The following ANKRD12 variants were observed in gnomAD, a reference collection of about 807,000 sequenced individuals.
The protein encoded by ANKRD12 is ankyrin repeat domain 12.
In ANKRD12, 85 loss-of-function variants were observed where a neutral mutation model predicts 183.4. The ratio of observed to expected loss-of-function variants is 0.46; its 90% CI spans 0.39 to 0.56. The LOEUF (loss-of-function observed/expected upper bound fraction) is 0.56. ANKRD12 is among the 20% of genes least tolerant of loss of function. ANKRD12 has a pLI of 0.00. For missense variants in ANKRD12, 2,405 were observed against 2,357.1 expected (o/e 1.02, Z -0.42); for synonymous variants, 914 against 800.2 (o/e 1.14, Z -2.40).
Position 9,257,694 on chromosome 18 carries a change from A to G in ANKRD12, c.4427A>G (p.Asn1476Ser). Residue 1476 changes from asparagine to serine, a missense_variant, in exon 9 of 13, where the codon AAC (asparagine) becomes AGC (serine). Physicochemically the swap from Asn to Ser is conservative, Grantham distance 46. Around this residue, in one of 7 missense-constraint regions of ANKRD12, gnomAD observed 1,983 missense variants for 1,725.9 expected, o/e 1.15. Coordinates refer to ENST00000262126, the MANE Select transcript of ANKRD12 (RefSeq NM_015208.5). The stretch of plus-strand genomic sequence containing the variant: ...CTGCGCCAGACTGAACTGCCAGGAA[A>G]CTCTTGTGCTCAGGATCCGGCATCC... ...LSLRQTELPG[N>S]SCAQDPASFM... 6.2e-7 allele frequency: 1 copy of G among 1,613,860 alleles called. No individual in the cohort carries two copies. Among genetic ancestry groups the G allele is most frequent in the Non-Finnish European group, 8.5e-7 (1 of 1,179,920 alleles).
intron 8 of ANKRD12, among the ~76,000 whole-genome samples, chr18:9,235,184 T>C (rs567608451): frequency 2.6e-5 from 4 of 152,288 alleles, no homozygotes; most frequent in African/African-American, 9.6e-5. Flanking sequence ...AAGAGGATGA[T>C]AGAGAGCCAG....
In ANKRD12 at chr18:9,284,650, GTACC is replaced by G. The variant is rs1354367802; in HGVS notation, c.*3527_*3530del. ...AAGTGACTTCTTGGGAGCCGTCTTT[GTACC>G]TAAAATGGAGTTTTTTTTTAAGCCT... is the stretch of plus-strand genomic sequence containing the variant. On this transcript the variant is annotated 3_prime_UTR_variant, in exon 13 of 13. Transcript: ENST00000262126. 6.6e-6 allele frequency: 1 copy of G among 152,024 alleles called. No homozygotes were observed. 9.4% of individuals were successfully genotyped at this position (152,024 alleles called of 1,614,324 possible).
intron 6 of ANKRD12, 63 bp from the exon 7 acceptor site, chr18:9,216,695 A>C (rs534037534): frequency 6.5e-7 from 1 of 1,546,728 alleles, no homozygotes; most frequent in East Asian, 2.3e-5. Flanking sequence ...TGGTATGTAT[A>C]TGAAAAGCAT....
intron 1 of ANKRD12, among the ~76,000 whole-genome samples, chr18:9,146,833 A>G (rs2078508771): frequency 6.6e-6 from 1 of 152,206 alleles, no homozygotes; most frequent in African/African-American, 2.4e-5. Flanking sequence ...AATCTAGTGT[A>G]TATTATAAGA....
intron 8 of ANKRD12, among the ~76,000 whole-genome samples, chr18:9,226,170 TC>T (rs1370489833): frequency 6.6e-6 from 1 of 152,134 alleles, no homozygotes; most frequent in Non-Finnish European, 1.5e-5. Flanking sequence ...ACGCCTGTAA[TC>T]CCAGGACTCT....
intron 1 of ANKRD12, among the ~76,000 whole-genome samples, chr18:9,141,393 C>T (rs2078310499): frequency 6.6e-6 from 1 of 152,110 alleles, no homozygotes; most frequent in Admixed American, 6.6e-5. Context: ...AAAAAGCTAA[C>T]CAAACTCATT....
chr18:9,195,515 A>G (rs772988088), intron 2 of ANKRD12, 36 bp from the exon 3 acceptor site: 7 of 1,506,234 alleles, frequency 4.6e-6, no homozygotes, highest in African/African-American at 4.2e-5. Context: ...CTTAGCTAAT[A>G]TTGATATAAC....
chr18:9,262,786 CCTTTTTTTTTTTTTTTT>C (rs1162801401), intron 9 of ANKRD12, among the ~76,000 whole-genome samples: 1 of 87,932 alleles, frequency 1.1e-5, no homozygotes, highest in Non-Finnish European at 2.3e-5. Flanking sequence ...CCAAGATGTC[CCTTTTTTTTTTTTTTTT>C]TTTTTTTTTT....
chr18:9,221,490 G>A lies in ANKRD12; in HGVS notation c.796-362G>A, dbSNP rs73394139. 4.0e-3 allele frequency among the ~76,000 whole-genome samples: 607 copies of A among 152,290 alleles called. 2 individuals are homozygous for A. Among genetic ancestry groups the A allele is most frequent in the African/African-American group, 0.014 (564 of 41,566 alleles). The stretch of plus-strand genomic sequence containing the variant: ...TAAGACACACATTTCAAGAGGCCAG[G>A]GAACTTGTTATTCTTGTTCATGGGT... On this transcript the variant is annotated intron_variant, in intron 7 of 12. Coordinates refer to ENST00000262126, the MANE Select transcript of ANKRD12 (RefSeq NM_015208.5).
At chr18:9,175,523 CTT>C (rs33944736) in intron 1 of ANKRD12, among the ~76,000 whole-genome samples, 24 of 53,308 alleles carry the variant, frequency 4.5e-4, no homozygotes, top group South Asian at 1.0e-3. Context: ...AAAGGCTCCT[CTT>C]TTTTTTTTTT....
chr18:9,179,745 T>A (rs759474850), intron 1 of ANKRD12, among the ~76,000 whole-genome samples: 2 of 152,214 alleles, frequency 1.3e-5, no homozygotes, highest in Non-Finnish European at 2.9e-5. Flanking sequence ...CTTGAACTTT[T>A]AGGCTCAAGC....
intron 1 of ANKRD12, among the ~76,000 whole-genome samples, chr18:9,142,736 T>C (rs60514648): frequency 0.011 from 1,639 of 152,060 alleles, 35 homozygotes; most frequent in African/African-American, 0.038. Context: ...TACAAAAAAT[T>C]AGCTGGGCGT....
intron 1 of ANKRD12, among the ~76,000 whole-genome samples, chr18:9,175,805 G>C (rs934672440): frequency 6.6e-6 from 1 of 151,956 alleles, no homozygotes; most frequent in East Asian, 1.9e-4. Context: ...TAGAATTACA[G>C]GTGTGAGCCA....
intron 12 of ANKRD12, among the ~76,000 whole-genome samples, chr18:9,280,275 A>G (rs538525487): frequency 3.9e-5 from 6 of 152,246 alleles, no homozygotes; most frequent in Admixed American, 2.6e-4. Flanking sequence ...TTGAGCTGCT[A>G]TGAGAATCTA....
At chr18:9,272,298 C>G (rs117739723) in intron 10 of ANKRD12, among the ~76,000 whole-genome samples, 1 of 152,246 alleles carries the variant, frequency 6.6e-6, no homozygotes, top group East Asian at 1.9e-4. Flanking sequence ...CATGGTGGCT[C>G]ACGCCTGTTA....
In ANKRD12 at chr18:9,240,352, T is replaced by C. The variant is rs868074084; in HGVS notation, c.944-13859T>C. On this transcript the variant is annotated intron_variant, in intron 8 of 12. Coordinates refer to ENST00000262126, the MANE Select transcript of ANKRD12 (RefSeq NM_015208.5). ...CCATTAGTCTAAGTCCATGTTACCT[T>C]CCTCTATAGAAATTCTGTCCAGCAA... 7.2e-5 allele frequency among the ~76,000 whole-genome samples: 11 copies of C among 152,304 alleles called. No homozygotes were observed. In the Middle Eastern group the frequency reaches 0.01, roughly 141 times the overall value.
chr18:9,202,869 G>A (rs566112764), intron 3 of ANKRD12, among the ~76,000 whole-genome samples: 1 of 152,326 alleles, frequency 6.6e-6, no homozygotes, highest in African/African-American at 2.4e-5. Context: ...ACCTGTTTGA[G>A]TAAAAGCCAA....
chr18:9,180,769 G>A (rs1189763276), intron 1 of ANKRD12, among the ~76,000 whole-genome samples: 2 of 150,990 alleles, frequency 1.3e-5, no homozygotes, highest in Non-Finnish European at 2.9e-5. Context: ...GAAAAATGGT[G>A]TAAGCTTTTC....
chr18:9,261,871 G>C (rs2038987927), intron 9 of ANKRD12, among the ~76,000 whole-genome samples: 1 of 152,172 alleles, frequency 6.6e-6, no homozygotes, highest in South Asian at 2.1e-4. Context: ...CTCAGTGTCA[G>C]ACAGTAGATA....
Sources: allele counts gnomAD v4.1 joint callset (sites outside exome capture counted in the v4.1 genomes callset), GRCh38; gene constraint gnomAD v4.1.1; regional missense constraint gnomAD v4.1.1; transcripts MANE v1.5; gene names NCBI Gene and HGNC (gene_info 2026-07-23, HGNC 2026-07-21).